MBD2: variants seen among roughly 807,000 people sequenced by gnomAD.
MBD2 encodes methyl-CpG binding domain protein 2.
MBD2 carries 9 observed loss-of-function variants against 39.3 expected under a neutral mutation model. The ratio of observed to expected loss-of-function variants is 0.23; its 90% CI spans 0.14 to 0.40. MBD2 has a LOEUF of 0.40. Ranked by LOEUF, MBD2 falls within the 10% of genes least tolerant of loss-of-function variation. The pLI is 1.00. For missense variants in MBD2, 458 were observed against 532.6 expected (o/e 0.86, Z 1.38); for synonymous variants, 233 against 211.1 (o/e 1.10, Z -0.90).
chr18:54,211,057 G>C (rs1376395070), intron 1 of MBD2, among the ~76,000 whole-genome samples: 1 of 150,988 alleles, frequency 6.6e-6, no homozygotes, highest in East Asian at 1.9e-4. Flanking sequence ...ATTTTTAGTA[G>C]AGACGGGGTT....
At chr18:54,173,894 A>G (rs2086194129) in intron 3 of MBD2, among the ~76,000 whole-genome samples, 1 of 152,210 alleles carries the variant, frequency 6.6e-6, no homozygotes, top group African/African-American at 2.4e-5. Context: ...TAAAACTGTA[A>G]TCTTCTTGTT....
chr18:54,213,085 C>CG (rs778109166), intron 1 of MBD2, among the ~76,000 whole-genome samples: 20,037 of 72,080 alleles, frequency 0.28, 2,617 homozygotes, highest in East Asian at 0.4. Context: ...ATTATGGGGG[C>CG]GGGGGGGGGG....
intron 1 of MBD2, 43 bp downstream of exon 1, chr18:54,223,975 C>T (rs746527897): frequency 2.0e-6 from 3 of 1,482,276 alleles, no homozygotes; most frequent in Non-Finnish European, 2.8e-6. Context: ...ACCCCTGACC[C>T]CGGCCTGACC....
At chr18:54,200,979 C>T (rs536393925) in intron 2 of MBD2, among the ~76,000 whole-genome samples, 1 of 151,520 alleles carries the variant, frequency 6.6e-6, no homozygotes, top group African/African-American at 2.4e-5. Context: ...ACTTGGGAGG[C>T]TGAGGCAGGA....
rs1386707977 is a variant in MBD2 at position 54,154,142 on chromosome 18, A to T, written c.*1182T>A. The T allele has an allele frequency of 1.3e-5, 2 of 152,074 alleles. No individual in the cohort carries two copies. The highest frequency in any genetic ancestry group is 4.8e-5 in the African/African-American group (2 of 41,404). 9.4% of individuals were successfully genotyped at this position (152,074 alleles called of 1,614,324 possible). A position where few individuals can be genotyped will look rare whatever the true frequency, so the allele number is the denominator to read the frequency against. ...ATTTTACTTTTGCTCTGTCTCTCAA[A>T]ATTTGTTTTCATTTGCTTATAACCA... On this transcript the variant is annotated 3_prime_UTR_variant, in exon 7 of 7. Transcript: ENST00000256429.
chr18:54,201,383 T>C (rs1051659591), intron 2 of MBD2, among the ~76,000 whole-genome samples: 1 of 152,114 alleles, frequency 6.6e-6, no homozygotes, highest in Non-Finnish European at 1.5e-5. Context: ...ATTATGGCAG[T>C]CAAGAAAATC....
chr18:54,161,093 CCTGAGTATTCA>C (rs1407244925), intron 5 of MBD2, among the ~76,000 whole-genome samples: 1 of 152,094 alleles, frequency 6.6e-6, no homozygotes, highest in African/African-American at 2.4e-5. Context: ...CCTAAGGGTC[CCTGAGTATTCA>C]CTCCATAGGG....
At chr18:54,191,816 T>C (rs1265206389) in intron 2 of MBD2, among the ~76,000 whole-genome samples, 2 of 152,244 alleles carry the variant, frequency 1.3e-5, no homozygotes, top group African/African-American at 4.8e-5. Flanking sequence ...ATCTCATTTT[T>C]TTCCCCCAAT....
At chr18:54,223,216 G>A (rs1293447496) in intron 1 of MBD2, among the ~76,000 whole-genome samples, 1 of 152,124 alleles carries the variant, frequency 6.6e-6, no homozygotes, top group Non-Finnish European at 1.5e-5. Flanking sequence ...GCATGACCAC[G>A]GGATTGCAAG....
chr18:54,208,569 A>G (rs2086472439), intron 1 of MBD2, among the ~76,000 whole-genome samples: 2 of 152,250 alleles, frequency 1.3e-5, no homozygotes, highest in African/African-American at 4.8e-5. Context: ...AAACAGCTCT[A>G]GAGTAGACAC....
chr18:54,204,635 C>A (rs1048290685), intron 2 of MBD2, among the ~76,000 whole-genome samples: 1 of 152,046 alleles, frequency 6.6e-6, no homozygotes, highest in Non-Finnish European at 1.5e-5. Flanking sequence ...AAAATCAATA[C>A]GTAATTATAA....
chr18:54,175,382 T>C (rs746582203), intron 3 of MBD2, among the ~76,000 whole-genome samples: 4 of 152,226 alleles, frequency 2.6e-5, no homozygotes, highest in Admixed American at 2.0e-4. Context: ...CCTTTCCACC[T>C]CAGATCTCCT....
intron 1 of MBD2, chr18:54,222,375 G>T (rs1325346189): frequency 1.9e-6 from 1 of 517,672 alleles, no homozygotes; most frequent in Admixed American, 1.9e-5. Flanking sequence ...ACCAAATCCT[G>T]GCCCCACAGC....
chr18:54,218,793 TCTAA>T (rs575949126), intron 1 of MBD2, among the ~76,000 whole-genome samples: 71 of 152,188 alleles, frequency 4.7e-4, no homozygotes, highest in African/African-American at 1.7e-3. Context: ...AAACTCCGTC[TCTAA>T]CTAAAAATAC....
chr18:54,204,211 T>C (rs573413506), intron 2 of MBD2, among the ~76,000 whole-genome samples: 1 of 152,238 alleles, frequency 6.6e-6, no homozygotes, highest in African/African-American at 2.4e-5. Context: ...ACAATGGTGG[T>C]GGCAATACCC....
chr18:54,162,761 T>C (rs1261425444), intron 5 of MBD2, among the ~76,000 whole-genome samples: 2 of 152,226 alleles, frequency 1.3e-5, no homozygotes, highest in East Asian at 3.8e-4. Flanking sequence ...TTTCATTGAT[T>C]TTACATTTTG....
chr18:54,183,452 A>G (rs1483005770), intron 3 of MBD2, among the ~76,000 whole-genome samples: 1 of 152,200 alleles, frequency 6.6e-6, no homozygotes, highest in African/African-American at 2.4e-5. Context: ...GGGATTCAGA[A>G]AAAAAAGTAT....
intron 6 of MBD2, among the ~76,000 whole-genome samples, chr18:54,158,222 C>T (rs2086068340): frequency 6.6e-6 from 1 of 151,840 alleles, no homozygotes; most frequent in African/African-American, 2.4e-5. Context: ...TACTGCATTC[C>T]AACCACGTGG....
intron 2 of MBD2, among the ~76,000 whole-genome samples, chr18:54,192,452 C>T (rs554219071): frequency 5.6e-4 from 85 of 152,154 alleles, no homozygotes; most frequent in African/African-American, 2.0e-3. Flanking sequence ...AGCATGGTCT[C>T]GATCTCTTGA....
Sources: gnomAD v4.1 joint callset for allele counts (sites outside exome capture counted in the v4.1 genomes callset) on GRCh38, gnomAD v4.1.1 for gene constraint, MANE v1.5 for transcripts, NCBI Gene and HGNC (gene_info 2026-07-23, HGNC 2026-07-21) for gene names.